MSH4: variants seen among roughly 807,000 people sequenced by gnomAD.
MSH4 encodes mutS protein homolog 4.
A neutral mutation model predicts 113.7 loss-of-function variants in MSH4; 106 were observed. The observed-to-expected ratio is 0.93, with a 90% CI of 0.80 to 1.10. The LOEUF (loss-of-function observed/expected upper bound fraction) is 1.10. Ranked by LOEUF, MSH4 falls within the 50% of genes least tolerant of loss-of-function variation. The probability of loss-of-function intolerance (pLI) is 0.00; values close to 1 mark genes in which losing one functional copy is unlikely to be tolerated. For missense variants in MSH4, 1,061 were observed against 1,093.7 expected, an observed-to-expected ratio of 0.97 and a Z score of 0.42; for synonymous variants, 368 against 380.2, an observed-to-expected ratio of 0.97 and a Z score of 0.37.
chr1:75,912,870 G>C lies in MSH4; in HGVS notation c.2794G>C (p.Glu932Gln), dbSNP rs150807449. The change falls in exon 20 of 20, where the codon GAA becomes CAA. Residue 932 changes from glutamate (E) to glutamine (Q), a missense_variant. Glu to Gln is a conservative substitution (Grantham distance 29, BLOSUM62 2). Coordinates refer to ENST00000263187, the MANE Select transcript of MSH4 (RefSeq NM_002440.4). ...TTTTCCCAGGACTGAACAAGTTCCA[G>C]AAAAGACTGAAGAATAATCACAATT... The part of the protein sequence containing the change: ...EDFPRTEQVP[E>Q]KTEE The C allele has an allele frequency of 3.3e-6, 5 of 1,525,608 alleles. No homozygotes were observed. In the African/African-American group the frequency reaches 7.1e-5, roughly 22 times the overall value. 94.5% of individuals were successfully genotyped at this position (1,525,608 alleles called of 1,614,324 possible). A position where few individuals can be genotyped will look rare whatever the true frequency, so the allele number is the denominator to read the frequency against.
chr1:75,843,140 G>C (rs562597263), intron 7 of MSH4, among the ~76,000 whole-genome samples: 1 of 152,158 alleles, frequency 6.6e-6, no homozygotes, highest in South Asian at 2.1e-4. Flanking sequence ...CAGTGGACAC[G>C]TGACCCACGT....
At chr1:75,875,109 G>A (rs1367597331) in intron 9 of MSH4, among the ~76,000 whole-genome samples, 1 of 152,140 alleles carries the variant, frequency 6.6e-6, no homozygotes, top group Admixed American at 6.6e-5. Flanking sequence ...GGCCACACTG[G>A]TATCGAACTC....
intron 3 of MSH4, among the ~76,000 whole-genome samples, chr1:75,808,084 T>C (rs1179018376): frequency 6.6e-6 from 1 of 152,204 alleles, no homozygotes; most frequent in East Asian, 1.9e-4. Context: ...TGTACATCAT[T>C]TATTTGTGAA....
intron 16 of MSH4, among the ~76,000 whole-genome samples, chr1:75,889,657 C>T (rs1652207863): frequency 6.6e-6 from 1 of 152,254 alleles, no homozygotes; most frequent in Middle Eastern, 3.4e-3. Context: ...AAAATGATAA[C>T]TGGTTCAGTA....
At chr1:75,850,705 A>C (rs1651167047) in intron 8 of MSH4, among the ~76,000 whole-genome samples, 1 of 151,886 alleles carries the variant, frequency 6.6e-6, no homozygotes, top group South Asian at 2.1e-4. Context: ...CTATATCCTT[A>C]TGGTGTTTTA....
At position 75,803,960 on chromosome 1, in the gene MSH4, AG is replaced by A. The variant is rs759130659; in HGVS notation, c.427+48del. 84 of 1,304,708 alleles carry A rather than the reference AG, an allele frequency of 6.4e-5. 1 individual carries two copies. In the South Asian group the frequency reaches 1.1e-3, roughly 17 times the overall value. 80.8% of individuals were successfully genotyped at this position (1,304,708 alleles called of 1,614,324 possible). On this transcript the variant is annotated intron_variant, in intron 2 of 19. Transcript: ENST00000263187. The stretch of plus-strand genomic sequence containing the variant: ...CCTAGATGATGTTTTGAAACTTAAA[AG>A]TTTTATAAATTATAAATTAGGGTTA...
At chr1:75,909,580 G>A (rs954662545) in intron 19 of MSH4, among the ~76,000 whole-genome samples, 11 of 151,542 alleles carry the variant, frequency 7.3e-5, no homozygotes, top group South Asian at 2.1e-4. Flanking sequence ...CCATCAACCC[G>A]TCATCTAGGT....
intron 19 of MSH4, among the ~76,000 whole-genome samples, chr1:75,907,690 A>C (rs1371161226): frequency 0.36 from 4,173 of 11,698 alleles, 125 homozygotes; most frequent in Admixed American, 0.38. Context: ...CTCTCTATAC[A>C]TATATATATA....
At position 75,822,427 on chromosome 1, in the gene MSH4, T is replaced by C. The variant is rs747522416; in HGVS notation, c.1008T>C (p.Phe336=). The C allele has an allele frequency of 6.4e-7, 1 of 1,562,116 alleles. No homozygotes were observed. The highest frequency in any genetic ancestry group is 8.6e-7 in the Non-Finnish European group (1 of 1,161,482). The change falls in exon 7 of 20, where the codon TTT becomes TTC. Residue 336 remains phenylalanine, a synonymous_variant. Coordinates refer to ENST00000263187, the MANE Select transcript of MSH4 (RefSeq NM_002440.4). The part of the protein sequence containing the change: ...NQDYRNNHTL[F]GVLNYTKTPG... ...TTGAAAGGAATAATCACACTCTCTT[T>C]GGTGTTCTAAATTATACTAAGACTC...
Position 75,822,397 on chromosome 1 carries a change from G to A in MSH4, c.990-12G>A. 6.6e-7 allele frequency: 1 copy of A among 1,505,440 alleles called. No individual in the cohort carries two copies. The highest frequency in any genetic ancestry group is 8.9e-7 in the Non-Finnish European group (1 of 1,128,648). The allele number at this position is 1,505,440 out of a possible 1,614,324, so 93.3% of individuals were successfully genotyped here. A position where few individuals can be genotyped will look rare whatever the true frequency, so the allele number is the denominator to read the frequency against. On this transcript the variant is annotated splice_polypyrimidine_tract_variant and intron_variant, in intron 6 of 19. Coordinates refer to ENST00000263187, the MANE Select transcript of MSH4 (RefSeq NM_002440.4). ...CTTTGTATTCTTACTGACATTTCTT[G>A]TGTTTTGAAAGGAATAATCACACTC...
At chr1:75,804,048 T>C (rs193031030) in intron 2 of MSH4, 135 bp downstream of exon 2, 11 of 532,398 alleles carry the variant, frequency 2.1e-5, no homozygotes, top group Non-Finnish European at 2.9e-5. Flanking sequence ...TTAGTTTACC[T>C]CTATCCATAA....
intron 14 of MSH4, 106 bp from the exon 15 acceptor site, chr1:75,883,515 T>C (rs1651980198): frequency 5.8e-6 from 5 of 858,746 alleles, no homozygotes; most frequent in Middle Eastern, 3.6e-4. Flanking sequence ...TTATTCCAAA[T>C]TGACCAGTGT....
At chr1:75,816,948 A>C (rs934600254) in intron 6 of MSH4, among the ~76,000 whole-genome samples, 2 of 152,070 alleles carry the variant, frequency 1.3e-5, no homozygotes, top group African/African-American at 4.8e-5. Context: ...GAATTATTTG[A>C]TGGAGAATTT....
At chr1:75,826,160 C>CA (rs775172818) in intron 7 of MSH4, among the ~76,000 whole-genome samples, 1 of 152,142 alleles carries the variant, frequency 6.6e-6, no homozygotes, top group Non-Finnish European at 1.5e-5. Flanking sequence ...TTGGTCTAGT[C>CA]ACAGATTCAA....
chr1:75,902,370 T>C (rs1327609903), intron 19 of MSH4, among the ~76,000 whole-genome samples: 1 of 151,832 alleles, frequency 6.6e-6, no homozygotes, highest in Non-Finnish European at 1.5e-5. Context: ...ACCTTCCCCC[T>C]TTTGTCCCCA....
chr1:75,808,768 G>C (rs1650122064), intron 3 of MSH4, among the ~76,000 whole-genome samples: 1 of 152,044 alleles, frequency 6.6e-6, no homozygotes. Context: ...AGATCAGTCA[G>C]AATTTAGCCT....
chr1:75,860,281 A>G (rs1651426367), intron 8 of MSH4, among the ~76,000 whole-genome samples: 1 of 152,110 alleles, frequency 6.6e-6, no homozygotes, highest in Admixed American at 6.5e-5. Context: ...TAATATTGTT[A>G]TATCTGAATT....
intron 1 of MSH4, among the ~76,000 whole-genome samples, chr1:75,802,454 A>G (rs1250175079): frequency 2.6e-5 from 4 of 152,222 alleles, no homozygotes; most frequent in African/African-American, 9.6e-5. Context: ...GAAATCAAAG[A>G]GAATAGGTGA....
At chr1:75,818,437 TA>T (rs1650335799) in intron 6 of MSH4, among the ~76,000 whole-genome samples, 1 of 152,216 alleles carries the variant, frequency 6.6e-6, no homozygotes, top group South Asian at 2.1e-4. Flanking sequence ...ACAAGTTACC[TA>T]ATTTCCTTGT....
Sources: allele counts gnomAD v4.1 joint callset (sites outside exome capture counted in the v4.1 genomes callset), GRCh38; gene constraint gnomAD v4.1.1; transcripts MANE v1.5; gene names NCBI Gene and HGNC (gene_info 2026-07-23, HGNC 2026-07-21).